CADPS: variants seen among roughly 807,000 people sequenced by gnomAD.
CADPS encodes the protein calcium dependent secretion activator.
Under a neutral mutation model 167.3 loss-of-function variants are expected in CADPS, and 57 were observed. The ratio of observed to expected loss-of-function variants is 0.34; its 90% CI spans 0.28 to 0.42. CADPS has a LOEUF of 0.42. Ranked by LOEUF, CADPS falls within the 20% of genes least tolerant of loss-of-function variation. CADPS has a pLI of 1.00. For synonymous variants in CADPS, 676 were observed against 635.3 expected, an observed-to-expected ratio of 1.06 and a Z score of -0.96; for missense variants, 1,414 against 1,738.1, an observed-to-expected ratio of 0.81 and a Z score of 3.32.
intron 27 of CADPS, among the ~76,000 whole-genome samples, chr3:62,444,948 A>C (rs1225223066): frequency 6.6e-6 from 1 of 152,212 alleles, no homozygotes; most frequent in Non-Finnish European, 1.5e-5. Flanking sequence ...AATATTTTAT[A>C]ATAGACTCAC....
chr3:62,422,692 T>C (rs1174670896), intron 28 of CADPS, among the ~76,000 whole-genome samples: 4 of 152,216 alleles, frequency 2.6e-5, no homozygotes, highest in Non-Finnish European at 4.4e-5. Flanking sequence ...TGCAACTCCA[T>C]TTGTATTATG....
At position 62,550,708 on chromosome 3, in the gene CADPS, A is replaced by G. The variant is rs564108945; in HGVS notation, c.1754-593T>C. 1.4e-5 allele frequency: 6 copies of G among 434,198 alleles called. No individual in the cohort carries two copies. In the East Asian group the frequency reaches 3.5e-4, roughly 26 times the overall value. 26.9% of individuals were successfully genotyped at this position (434,198 alleles called of 1,614,324 possible). On this transcript the variant is annotated intron_variant, in intron 10 of 29. Coordinates refer to ENST00000383710, the MANE Select transcript of CADPS (RefSeq NM_003716.4). ...GGTCTCTCCCCTCCTTTTCTGCCTT[A>G]CAACCCCTCCAATCAGGCTGCTGCC...
intron 2 of CADPS, 108 bp downstream of exon 2, chr3:62,765,763 G>T: frequency 1.6e-6 from 1 of 610,230 alleles, no homozygotes; most frequent in Non-Finnish European, 2.9e-6. Context: ...CCTTAGGAAG[G>T]ATGATACTGT....
In CADPS at chr3:62,421,553, C is replaced by G. The variant is rs974035587; in HGVS notation, c.3777+16551G>C. On this transcript the variant is annotated intron_variant, in intron 28 of 29. Transcript: ENST00000383710. This position sits in a 1 kb window ranked among gnomAD's most constrained non-coding sequence, Gnocchi z 4.7. ...AGCAAATGCCACCATATCCCACTTT[C>G]TATAAGGAACAACATGTTATAGACA... is the stretch of plus-strand genomic sequence containing the variant. Among the ~76,000 whole-genome samples, 1 of 152,250 alleles carries G rather than the reference C, an allele frequency of 6.6e-6. No homozygotes were observed. The highest frequency in any genetic ancestry group is 2.4e-5 in the African/African-American group (1 of 41,464).
chr3:62,651,163 G>A, intron 4 of CADPS, 83 bp from the exon 5 acceptor site: 1 of 903,938 alleles, frequency 1.1e-6, no homozygotes, highest in East Asian at 2.4e-5. Flanking sequence ...ATGGCCCAGA[G>A]TTAGAATCAC....
In CADPS at chr3:62,858,810, C is replaced by T. The variant is rs148918421; in HGVS notation, c.441+15779G>A. Among the ~76,000 whole-genome samples, 18 of 152,204 alleles carry T rather than the reference C, an allele frequency of 1.2e-4. No individual in the cohort carries two copies. In the East Asian group the frequency reaches 3.3e-3, roughly 28 times the overall value. ...CATCCAACGTAAATGTCTCATATCA[C>T]TATTTTCCTTAAAAATCTGCTTTAT... On this transcript the variant is annotated intron_variant, in intron 1 of 29. Transcript: ENST00000383710.
chr3:62,715,373 C>CCTATCTATCTATCTATCTAT (rs71123290), intron 3 of CADPS, among the ~76,000 whole-genome samples: 2 of 134,602 alleles, frequency 1.5e-5, no homozygotes, highest in African/African-American at 2.9e-5. Flanking sequence ...TATCTATCTA[C>CCTATCTATCTATCTATCTAT]CTATCTATCT....
intron 1 of CADPS, among the ~76,000 whole-genome samples, chr3:62,855,359 T>C (rs2079480855): frequency 6.6e-6 from 1 of 152,152 alleles, no homozygotes. Context: ...AAGTTCTGAT[T>C]ATTTTTTAAA....
At chr3:62,520,443 T>C (rs953423809) in intron 13 of CADPS, among the ~76,000 whole-genome samples, 1 of 152,260 alleles carries the variant, frequency 6.6e-6, no homozygotes, top group Admixed American at 6.5e-5. Flanking sequence ...TAGCAGCTTC[T>C]GCTTCGCTGA....
chr3:62,740,280 A>G (rs535682737), intron 3 of CADPS, among the ~76,000 whole-genome samples: 2 of 152,336 alleles, frequency 1.3e-5, no homozygotes, highest in Admixed American at 6.5e-5. Context: ...CAGCAAAACC[A>G]TGTGCACAAG....
At chr3:62,782,073 G>A (rs141604344) in intron 1 of CADPS, among the ~76,000 whole-genome samples, 23 of 152,274 alleles carry the variant, frequency 1.5e-4, no homozygotes, top group African/African-American at 5.5e-4. Flanking sequence ...TTTGGTGAAG[G>A]TTTGGAAGGA....
intron 3 of CADPS, 61 bp from the exon 4 acceptor site, chr3:62,662,455 G>A (rs894568650): frequency 6.2e-6 from 9 of 1,457,140 alleles, no homozygotes; most frequent in Non-Finnish European, 8.7e-6. Context: ...ATAAACTCAG[G>A]ACATTCCATT....
At chr3:62,843,526 T>C (rs2076944308) in intron 1 of CADPS, among the ~76,000 whole-genome samples, 1 of 152,094 alleles carries the variant, frequency 6.6e-6, no homozygotes, top group Non-Finnish European at 1.5e-5. Context: ...TGTCTATGTG[T>C]GTACACATGA....
chr3:62,695,236 A>G (rs1257839708), intron 3 of CADPS, among the ~76,000 whole-genome samples: 1 of 152,060 alleles, frequency 6.6e-6, no homozygotes, highest in Non-Finnish European at 1.5e-5. Context: ...TGTACAAAGG[A>G]TAGTTGCATC....
chr3:62,754,468 A>G (rs1331766428), intron 2 of CADPS, among the ~76,000 whole-genome samples: 2 of 152,248 alleles, frequency 1.3e-5, no homozygotes, highest in African/African-American at 2.4e-5. Context: ...GATTACAGGC[A>G]TGAGTCAATG....
At chr3:62,532,592 G>T (rs868402858) in intron 13 of CADPS, among the ~76,000 whole-genome samples, 2 of 152,058 alleles carry the variant, frequency 1.3e-5, no homozygotes, top group Admixed American at 6.6e-5. Context: ...ACCAACCAGG[G>T]TTATTGCTAG....
Position 62,518,256 on chromosome 3 carries a change from A to T in CADPS, c.2292-6T>A. ...CAGTTCCAATTCCATCAGGCCTGAA[A>T]GAAGACATGTCATGAAATGACGGGA... On this transcript the variant is annotated splice_polypyrimidine_tract_variant and splice_region_variant and intron_variant, in intron 13 of 29. Coordinates refer to ENST00000383710, the MANE Select transcript of CADPS (RefSeq NM_003716.4). 2.5e-6 allele frequency: 4 copies of T among 1,604,154 alleles called. No homozygotes were observed. Among genetic ancestry groups the T allele is most frequent in the Non-Finnish European group, 3.4e-6 (4 of 1,172,726 alleles).
intron 1 of CADPS, among the ~76,000 whole-genome samples, chr3:62,840,504 A>G (rs1337834493): frequency 6.6e-6 from 1 of 152,122 alleles, no homozygotes; most frequent in East Asian, 1.9e-4. Context: ...ACATATGTCT[A>G]TTTTTGAGGA....
intron 28 of CADPS, among the ~76,000 whole-genome samples, chr3:62,425,450 C>A (rs1304873282): frequency 2.6e-5 from 4 of 152,126 alleles, no homozygotes; most frequent in Non-Finnish European, 5.9e-5. Context: ...ACTCTCGGAA[C>A]TTATTTTAAA....
Sources: gnomAD v4.1 joint callset for allele counts (sites outside exome capture counted in the v4.1 genomes callset) on GRCh38, gnomAD v4.1.1 for gene constraint, Gnocchi (gnomAD v3.1) non-coding constraint, MANE v1.5 for transcripts, NCBI Gene and HGNC (gene_info 2026-07-23, HGNC 2026-07-21) for gene names.